AP3M1: variants seen among roughly 807,000 people sequenced by gnomAD.
AP3M1 encodes the protein adaptor related protein complex 3 subunit mu 1.
Under a neutral mutation model 42.6 loss-of-function variants are expected in AP3M1, and 29 were observed. That is an observed-to-expected ratio of 0.68 (90% CI 0.51 to 0.93). The LOEUF (loss-of-function observed/expected upper bound fraction) is 0.93. Ranked by LOEUF, AP3M1 falls within the 40% of genes least tolerant of loss-of-function variation. AP3M1 has a pLI of 0.00. For missense variants in AP3M1, 416 were observed against 510.2 expected (o/e 0.82, Z 1.78); for synonymous variants, 178 against 175.3 (o/e 1.02, Z -0.12).
chr10:74,130,082 GT>G (rs1339280763), intron 4 of AP3M1, 90 bp from the exon 5 acceptor site: 6 of 946,636 alleles, frequency 6.3e-6, no homozygotes, highest in Non-Finnish European at 9.8e-6. Flanking sequence ...TTTATTTATT[GT>G]TTTTAGAGAC....
Position 74,124,553 on chromosome 10 carries a change from T to C in AP3M1, c.1012-29A>G, listed in dbSNP as rs552874011. ...AAAAAGACAAAAAATGAAAAACAAA[T>C]AGAACCATTTATTAAAGACAAACCC... On this transcript the variant is annotated intron_variant, in intron 7 of 8. Transcript: ENST00000355264. 3.2e-6 allele frequency: 5 copies of C among 1,550,734 alleles called. No homozygotes were observed. The Admixed American group carries it at 6.2e-5, about 19-fold the overall frequency.
At chr10:74,127,923 T>A (rs11000878) in intron 6 of AP3M1, among the ~76,000 whole-genome samples, 110,123 of 150,264 alleles carry the variant, frequency 0.73, 41,032 homozygotes, top group Middle Eastern at 0.85. Context: ...CAACATGGAA[T>A]AACCCCGCCT....
chr10:74,144,272 AT>A (rs901792138), intron 1 of AP3M1, among the ~76,000 whole-genome samples: 134 of 146,564 alleles, frequency 9.1e-4, no homozygotes, highest in African/African-American at 3.1e-3. Flanking sequence ...TTTTATTTTT[AT>A]TTTTTTTTTG....
chr10:74,146,456 G>T (rs1442012203), intron 1 of AP3M1, among the ~76,000 whole-genome samples: 1 of 152,206 alleles, frequency 6.6e-6, no homozygotes, highest in African/African-American at 2.4e-5. Flanking sequence ...GATGAGTGGT[G>T]ATGGCCTGGT....
Position 74,129,220 on chromosome 10 carries a change from C to A in AP3M1, c.691G>T (p.Val231Phe). 1 of 1,614,046 alleles carries A rather than the reference C, an allele frequency of 6.2e-7. No individual in the cohort carries two copies. The highest frequency in any genetic ancestry group is 1.1e-5 in the South Asian group (1 of 91,072). ...SFMNPRLLDDVSFHPCIRFKR... is the reference protein window; with the variant it reads ...SFMNPRLLDDFSFHPCIRFKR... ...AACCGGATGCAGGGGTGAAAGCTGA[C>A]ATCATCCAGAAGCCTAGGGTTCTGC... The change falls in exon 6 of 9, where the codon GTC (valine) becomes TTC (phenylalanine). Residue 231 changes from valine to phenylalanine, a missense_variant. Transcript: ENST00000355264.
intron 1 of AP3M1, among the ~76,000 whole-genome samples, chr10:74,140,236 C>A (rs968892177): frequency 6.6e-6 from 1 of 152,208 alleles, no homozygotes; most frequent in Non-Finnish European, 1.5e-5. Context: ...GGATCTGGGG[C>A]GAGATGGCTG....
chr10:74,147,428 T>C (rs947718822), intron 1 of AP3M1, among the ~76,000 whole-genome samples: 10 of 152,182 alleles, frequency 6.6e-5, no homozygotes, highest in African/African-American at 2.4e-4. Flanking sequence ...ATAAAACTTT[T>C]TATTATTCTT....
chr10:74,130,037 A>G, intron 4 of AP3M1, 45 bp from the exon 5 acceptor site: 1 of 1,147,818 alleles, frequency 8.7e-7, no homozygotes, highest in South Asian at 1.2e-5. Context: ...ATGGAATATG[A>G]GTCTTCACTA....
chr10:74,130,054 T>C (rs1840737185), intron 4 of AP3M1, 62 bp from the exon 5 acceptor site: 5 of 1,048,812 alleles, frequency 4.8e-6, no homozygotes, highest in Non-Finnish European at 7.3e-6. Flanking sequence ...ACTAGACCTA[T>C]CACTGTATCT....
At chr10:74,140,056 T>G (rs1284306546) in intron 1 of AP3M1, among the ~76,000 whole-genome samples, 1 of 152,146 alleles carries the variant, frequency 6.6e-6, no homozygotes, top group African/African-American at 2.4e-5. Context: ...GGTGCGCCAT[T>G]CCTCCCTGGC....
Position 74,126,148 on chromosome 10 carries a change from C to T in AP3M1, c.1011G>A (p.Lys337=), listed in dbSNP as rs1397689984. The T allele has an allele frequency of 1.2e-6, 2 of 1,613,964 alleles. No homozygotes were observed. Among genetic ancestry groups the T allele is most frequent in the Admixed American group, 1.7e-5 (1 of 59,982 alleles). ...CACTCTTGATTTGAAGTGGCTGTAC[C>T]TTGGTGACTGGATCAAATGTATAGC... ...QGSYTFDPVT[K]VLTWDVGKIT... The change falls in exon 7 of 9, where the codon AAG becomes AAA. Residue 337 remains lysine, a splice_region_variant and synonymous_variant. Coordinates refer to ENST00000355264, the MANE Select transcript of AP3M1 (RefSeq NM_012095.6).
At chr10:74,129,369 A>T (rs1454263273) in intron 5 of AP3M1, 128 bp from the exon 6 acceptor site, 2 of 800,786 alleles carry the variant, frequency 2.5e-6, no homozygotes, top group Non-Finnish European at 3.8e-6. Flanking sequence ...ACATCTACAC[A>T]ACCTTATAGT....
chr10:74,130,049 A>G, intron 4 of AP3M1, 57 bp from the exon 5 acceptor site: 1 of 1,074,428 alleles, frequency 9.3e-7, no homozygotes, highest in Non-Finnish European at 1.4e-6. Flanking sequence ...TCTTCACTAG[A>G]CCTATCACTG....
At chr10:74,136,024 T>C (rs1840929542) in intron 3 of AP3M1, among the ~76,000 whole-genome samples, 2 of 152,246 alleles carry the variant, frequency 1.3e-5, no homozygotes, top group African/African-American at 2.4e-5. Flanking sequence ...TATTGGTATC[T>C]GGATGTGCCT....
intron 2 of AP3M1, 31 bp from the exon 3 acceptor site, chr10:74,136,834 T>A: frequency 6.9e-7 from 1 of 1,440,158 alleles, no homozygotes. Context: ...TATCACACAA[T>A]GGAAGGCAAA....
chr10:74,134,299 T>C (rs550880952), intron 3 of AP3M1, 135 bp from the exon 4 acceptor site: 2 of 911,858 alleles, frequency 2.2e-6, no homozygotes, highest in South Asian at 1.9e-5. Flanking sequence ...ACTAGAATTG[T>C]CAGACATATC....
At chr10:74,147,892 G>C (rs926009304) in intron 1 of AP3M1, among the ~76,000 whole-genome samples, 1 of 152,104 alleles carries the variant, frequency 6.6e-6, no homozygotes, top group Non-Finnish European at 1.5e-5. Flanking sequence ...CCAGCTACTC[G>C]GGAGGCTGAG....
chr10:74,147,603 C>T (rs764283047), intron 1 of AP3M1, among the ~76,000 whole-genome samples: 1 of 152,316 alleles, frequency 6.6e-6, no homozygotes, highest in East Asian at 1.9e-4. Flanking sequence ...GTGCTTTACA[C>T]ATAAAAAGAG....
At chr10:74,127,369 T>G (rs1170542607) in intron 6 of AP3M1, among the ~76,000 whole-genome samples, 1 of 151,866 alleles carries the variant, frequency 6.6e-6, no homozygotes, top group Non-Finnish European at 1.5e-5. Flanking sequence ...GGTGGCTGGG[T>G]GCAGTGGCTC....
Sources: gnomAD v4.1 joint callset for allele counts (sites outside exome capture counted in the v4.1 genomes callset) on GRCh38, gnomAD v4.1.1 for gene constraint, MANE v1.5 for transcripts, NCBI Gene and HGNC (gene_info 2026-07-23, HGNC 2026-07-21) for gene names.